Variants in EBF2 observed in about 807,000 individuals in gnomAD.
The protein encoded by EBF2 is transcription factor COE2.
A neutral mutation model predicts 72.8 loss-of-function variants in EBF2; 21 were observed. The observed-to-expected ratio is 0.29, with a 90% confidence interval of 0.20 to 0.42. EBF2 has a LOEUF of 0.42. EBF2 is among the 10% of genes least tolerant of loss of function. The pLI is 1.00. For synonymous variants in EBF2, 299 were observed against 274.2 expected (o/e 1.09, Z -0.89); for missense variants, 637 against 731.2 (o/e 0.87, Z 1.49).
intron 6 of EBF2, among the ~76,000 whole-genome samples, chr8:25,960,612 A>G (rs1413618783): frequency 2.0e-5 from 3 of 152,146 alleles, no homozygotes; most frequent in African/African-American, 7.2e-5. Flanking sequence ...CTGGGGGCAC[A>G]TGTAGATGCG....
rs373125089 is a variant in EBF2, at chr8:26,044,663, GT to G, written c.131+65del. 6.5e-7 allele frequency: 1 copy of G among 1,546,666 alleles called. No homozygotes were observed. Among genetic ancestry groups the G allele is most frequent in the Non-Finnish European group, 8.8e-7 (1 of 1,136,522 alleles). Reference sequence around the variant, plus strand: ...GAAAGGCACGGGGTGCGCGGGGGGGGTGCACACGGAGAGACAGACCGTAAGA... The same window carrying G: ...GAAAGGCACGGGGTGCGCGGGGGGGGGCACACGGAGAGACAGACCGTAAGA... On this transcript the variant is annotated intron_variant, in intron 1 of 15. Transcript: ENST00000520164. The surrounding 1 kb of genome is among the most constrained non-coding windows in gnomAD (Gnocchi z 4.1).
intron 7 of EBF2, among the ~76,000 whole-genome samples, chr8:25,902,396 C>T (rs140756709): frequency 6.8e-4 from 103 of 152,170 alleles, no homozygotes; most frequent in African/African-American, 2.3e-3. Context: ...AGTGATTTTC[C>T]GCATGCATGA....
chr8:25,855,550 C>T (rs1297894815), intron 14 of EBF2, among the ~76,000 whole-genome samples: 1 of 152,120 alleles, frequency 6.6e-6, no homozygotes, highest in African/African-American at 2.4e-5. Context: ...AGTATTTGCT[C>T]CGTGGCATGG....
chr8:25,945,499 G>T (rs1415203306), intron 6 of EBF2, among the ~76,000 whole-genome samples: 1 of 151,786 alleles, frequency 6.6e-6, no homozygotes, highest in East Asian at 1.9e-4. Context: ...AGCCTCCCTA[G>T]GTTTGCTCAA....
chr8:25,874,791 T>TTC (rs1429193031), intron 10 of EBF2, among the ~76,000 whole-genome samples: 1 of 151,858 alleles, frequency 6.6e-6, no homozygotes, highest in African/African-American at 2.4e-5. Context: ...GCTCAAGCGT[T>TTC]TCTCCCACCT....
chr8:26,040,939 C>T lies in EBF2; in HGVS notation c.352G>A (p.Gly118Ser). 6.2e-7 allele frequency: 1 copy of T among 1,614,156 alleles called. No individual in the cohort carries two copies. Among genetic ancestry groups the T allele is most frequent in the Non-Finnish European group, 8.5e-7 (1 of 1,180,020 alleles). Reference sequence around the variant, plus strand: ...TCACCGTTGCTGTAGAAGAGCTCACCGTTGCTGTAGAGGAGCTGTAACTTG... The same window carrying T: ...TCACCGTTGCTGTAGAAGAGCTCACTGTTGCTGTAGAGGAGCTGTAACTTG... Reference protein sequence around the residue: ...HYKLQLLYSNGVRTEQDLYVR... With the variant: ...HYKLQLLYSNSVRTEQDLYVR... Residue 118 changes from glycine to serine, a missense_variant and splice_region_variant, in exon 3 of 16, where the codon GGT becomes AGT. Physicochemically the swap from Gly to Ser is moderately conservative, Grantham distance 56. Transcript: ENST00000520164.
intron 15 of EBF2, among the ~76,000 whole-genome samples, chr8:25,846,021 C>T (rs907380840): frequency 1.1e-4 from 17 of 152,156 alleles, no homozygotes; most frequent in African/African-American, 3.9e-4. Context: ...TGTCAGCTGT[C>T]TATTTCCCTG....
At chr8:25,857,936 A>C in intron 14 of EBF2, 1 of 360,552 alleles carries the variant, frequency 2.8e-6, no homozygotes, top group Non-Finnish European at 5.4e-6. Flanking sequence ...TGTCTATAAC[A>C]TGAAGAAAAA....
intron 14 of EBF2, among the ~76,000 whole-genome samples, chr8:25,854,647 C>T (rs1298884027): frequency 6.6e-6 from 1 of 152,068 alleles, no homozygotes; most frequent in Non-Finnish European, 1.5e-5. Flanking sequence ...GAGAATACTA[C>T]TATTTTAATA....
intron 1 of EBF2, among the ~76,000 whole-genome samples, chr8:26,043,888 C>T (rs996450461): frequency 1.3e-4 from 20 of 152,092 alleles, no homozygotes; most frequent in African/African-American, 3.9e-4. Context: ...ACCGTAATGT[C>T]TTCGTAGGGT....
intron 6 of EBF2, among the ~76,000 whole-genome samples, chr8:25,946,341 C>T (rs766512689): frequency 2.6e-5 from 4 of 152,180 alleles, no homozygotes; most frequent in South Asian, 2.1e-4. Context: ...TTCTTCATAA[C>T]GGTATCTCTA....
At chr8:26,041,965 T>G (rs1585238915) in intron 2 of EBF2, 130 bp downstream of exon 2, 97 of 1,345,096 alleles carry the variant, frequency 7.2e-5, no homozygotes, top group Non-Finnish European at 5.1e-6. Flanking sequence ...AGGCTGGGGG[T>G]GAGTAGCCTC....
chr8:26,022,183 C>A (rs996532260), intron 6 of EBF2, among the ~76,000 whole-genome samples: 1 of 152,114 alleles, frequency 6.6e-6, no homozygotes, highest in Non-Finnish European at 1.5e-5. Flanking sequence ...GAGACCACCT[C>A]GATTTTGTTC....
Position 25,878,331 on chromosome 8 carries a change from G to A in EBF2, c.1009+8424C>T, listed in dbSNP as rs554711668. Among the ~76,000 whole-genome samples, 97 of 152,310 alleles carry A rather than the reference G, an allele frequency of 6.4e-4. 1 individual carries two copies. Among genetic ancestry groups the A allele is most frequent in the Middle Eastern group, 6.8e-3 (2 of 294 alleles). ...GAAGCACTCCAGGCGTCCAGAGTGC[G>A]TGGGTCAGTGCTTCAGGGTGGCTGG... On this transcript the variant is annotated intron_variant, in intron 10 of 15. Coordinates refer to ENST00000520164, the MANE Select transcript of EBF2 (RefSeq NM_022659.4).
At chr8:26,012,489 C>T (rs1805040963) in intron 6 of EBF2, among the ~76,000 whole-genome samples, 1 of 152,144 alleles carries the variant, frequency 6.6e-6, no homozygotes, top group South Asian at 2.1e-4. Flanking sequence ...TATTCTCATT[C>T]TTGCCTTCTT....
chr8:26,035,178 T>C (rs1805478791), intron 5 of EBF2, among the ~76,000 whole-genome samples: 1 of 151,718 alleles, frequency 6.6e-6, no homozygotes, highest in Non-Finnish European at 1.5e-5. Context: ...GGTCTCCCTT[T>C]GTTGCTCAGG....
chr8:25,858,495 C>A lies in EBF2; in HGVS notation c.1352G>T (p.Arg451Leu), dbSNP rs574403399. 6.2e-7 allele frequency: 1 copy of A among 1,613,134 alleles called. No homozygotes were observed. Among genetic ancestry groups the A allele is most frequent in the Non-Finnish European group, 8.5e-7 (1 of 1,179,812 alleles). Reference sequence around the variant, plus strand: ...CCGCGGAGAGATGCTGCTTGTGTTGCGGATGTACCCTTGGCAACAAAGAAA... The same window carrying A: ...CCGCGGAGAGATGCTGCTTGTGTTGAGGATGTACCCTTGGCAACAAAGAAA... ...STQGNNQGYI[R>L]NTSSISPRGY... is the part of the protein sequence containing the mutation. Residue 451 changes from arginine to leucine, a missense_variant, in exon 14 of 16, where the codon CGC becomes CTC. Coordinates refer to ENST00000520164, the MANE Select transcript of EBF2 (RefSeq NM_022659.4).
At chr8:26,033,210 A>G in intron 5 of EBF2, 57 bp from the exon 6 acceptor site, 2 of 1,526,218 alleles carry the variant, frequency 1.3e-6, no homozygotes, top group South Asian at 2.2e-5. Context: ...AGAAAATGCA[A>G]TGAGCACATG....
chr8:25,970,572 C>A (rs1183603064), intron 6 of EBF2, among the ~76,000 whole-genome samples: 1 of 152,026 alleles, frequency 6.6e-6, no homozygotes, highest in African/African-American at 2.4e-5. Flanking sequence ...AAAGAAATTA[C>A]CTTCCTTGAA....
Sources: gnomAD v4.1 joint callset for allele counts (sites outside exome capture counted in the v4.1 genomes callset) on GRCh38, gnomAD v4.1.1 for gene constraint, Gnocchi (gnomAD v3.1) non-coding constraint, MANE v1.5 for transcripts, NCBI Gene and HGNC (gene_info 2026-07-23, HGNC 2026-07-21) for gene names.